Variants in ASCC3 observed in about 807,000 individuals in gnomAD.
The protein encoded by ASCC3 is activating signal cointegrator 1 complex subunit 3, also known as ASC-1 complex subunit P200.
Under a neutral mutation model 256.3 loss-of-function variants are expected in ASCC3, and 158 were observed. That is an observed-to-expected ratio of 0.62 (90% CI 0.54 to 0.70). ASCC3 has a LOEUF of 0.70. Ranked by LOEUF, ASCC3 falls within the 30% of genes least tolerant of loss-of-function variation. The probability of loss-of-function intolerance (pLI) is 0.00; values close to 1 mark genes in which losing one functional copy is unlikely to be tolerated. For synonymous variants in ASCC3, 948 were observed against 883.4 expected (o/e 1.07, Z -1.30); for missense variants, 2,259 against 2,626.0 (o/e 0.86, Z 3.05).
chr6:100,725,400 T>G (rs529460161), intron 11 of ASCC3, 139 bp downstream of exon 11: 2 of 1,036,960 alleles, frequency 1.9e-6, no homozygotes, highest in Non-Finnish European at 2.8e-6. Context: ...AACAGGTACA[T>G]TCCCCCTTTT....
At chr6:100,619,384 T>C (rs1773832123) in intron 30 of ASCC3, among the ~76,000 whole-genome samples, 1 of 152,094 alleles carries the variant, frequency 6.6e-6, no homozygotes, top group Non-Finnish European at 1.5e-5. Context: ...GATGAAGAAA[T>C]TGGGCTATTT....
intron 4 of ASCC3, among the ~76,000 whole-genome samples, chr6:100,830,798 T>A (rs1453894840): frequency 6.6e-6 from 1 of 152,190 alleles, no homozygotes; most frequent in African/African-American, 2.4e-5. Context: ...GTAAAATGCA[T>A]AAGCAACTAA....
intron 13 of ASCC3, among the ~76,000 whole-genome samples, chr6:100,690,903 C>G (rs1777813970): frequency 6.6e-6 from 1 of 152,046 alleles, no homozygotes. Context: ...GTTATTATTA[C>G]TGAATTATAT....
rs746801361 is a variant in ASCC3 at position 100,629,003 on chromosome 6, A to AGT, written c.4375+10_4375+11dup. On this transcript the variant is annotated intron_variant, in intron 27 of 41. Transcript: ENST00000369162. ...AAGTTTGTAAACTGGCTTTAGATAC[A>AGT]GTGGTACCTACCAAGCAGATGGATC... 6.2e-7 allele frequency: 1 copy of AGT among 1,610,986 alleles called. No individual in the cohort carries two copies. The highest frequency in any genetic ancestry group is 8.5e-7 in the Non-Finnish European group (1 of 1,178,680).
intron 36 of ASCC3, among the ~76,000 whole-genome samples, chr6:100,572,704 C>T (rs917752493): frequency 2.0e-5 from 3 of 152,182 alleles, no homozygotes; most frequent in Admixed American, 6.5e-5. Flanking sequence ...AAATAATTTA[C>T]AAAAATTTTT....
intron 4 of ASCC3, among the ~76,000 whole-genome samples, chr6:100,825,463 T>TA (rs1562324592): frequency 6.6e-6 from 1 of 152,166 alleles, no homozygotes; most frequent in Admixed American, 6.5e-5. Flanking sequence ...CGGAGCCTCT[T>TA]AAAAAATCGC....
At chr6:100,591,527 A>T (rs1024504322) in intron 34 of ASCC3, among the ~76,000 whole-genome samples, 1 of 152,058 alleles carries the variant, frequency 6.6e-6, no homozygotes, top group Non-Finnish European at 1.5e-5. Flanking sequence ...GGACTAATAC[A>T]TAGCTGATAA....
In ASCC3 at chr6:100,540,198, T is replaced by C. The variant is rs2114662842; in HGVS notation, c.5740A>G (p.Lys1914Glu). The change falls in exon 37 of 42, where the codon AAA (lysine) becomes GAA (glutamate). Residue 1914 changes from lysine to glutamate, a missense_variant. Physicochemically the swap from Lys to Glu is moderately conservative, Grantham distance 56 (BLOSUM62 1). Transcript: ENST00000369162. Reference sequence around the variant, plus strand: ...CTGAGAGCTTGGTCCAAGACTGTTTTGGTATCAGTGTCATAATCTGGGCAG... The same window carrying C: ...CTGAGAGCTTGGTCCAAGACTGTTTCGGTATCAGTGTCATAATCTGGGCAG... ...LPCPDYDTDTKTVLDQALRVC... is the reference protein window; with the variant it reads ...LPCPDYDTDTETVLDQALRVC... 6.2e-7 allele frequency: 1 copy of C among 1,614,140 alleles called. No homozygotes were observed. The highest frequency in any genetic ancestry group is 2.2e-5 in the East Asian group (1 of 44,884).
intron 14 of ASCC3, among the ~76,000 whole-genome samples, chr6:100,665,356 T>C (rs530883374): frequency 6.6e-6 from 1 of 152,068 alleles, no homozygotes; most frequent in East Asian, 1.9e-4. Flanking sequence ...TCAAAGTAAG[T>C]CTGGGTTTTT....
At chr6:100,604,542 C>T (rs995718834) in intron 33 of ASCC3, among the ~76,000 whole-genome samples, 73 of 151,756 alleles carry the variant, frequency 4.8e-4, no homozygotes, top group Non-Finnish European at 6.6e-4. Flanking sequence ...CCTCAAGCTC[C>T]TGGGCTCAAG....
intron 4 of ASCC3, among the ~76,000 whole-genome samples, chr6:100,842,595 T>C (rs1772197432): frequency 6.6e-6 from 1 of 152,188 alleles, no homozygotes; most frequent in Admixed American, 6.5e-5. Flanking sequence ...TTCATACTTT[T>C]TTTCTGATTT....
At chr6:100,615,409 C>G (rs1039898545) in intron 30 of ASCC3, among the ~76,000 whole-genome samples, 8 of 149,084 alleles carry the variant, frequency 5.4e-5, no homozygotes, top group Non-Finnish European at 1.2e-4. Context: ...ATTAAAATAA[C>G]AGAGACTGTA....
chr6:100,858,927 C>A, intron 3 of ASCC3: 1 of 582,368 alleles, frequency 1.7e-6, no homozygotes, highest in Non-Finnish European at 3.1e-6. Context: ...TGCCTTTAAC[C>A]TCTTTTAATC....
At chr6:100,811,313 AC>A (rs1303886448) in intron 4 of ASCC3, among the ~76,000 whole-genome samples, 2 of 152,192 alleles carry the variant, frequency 1.3e-5, no homozygotes, top group African/African-American at 4.8e-5. Context: ...TAGAAAAAAA[AC>A]ACAACTAAAG....
intron 13 of ASCC3, among the ~76,000 whole-genome samples, chr6:100,707,446 A>C (rs117893036): frequency 0.015 from 2,335 of 152,206 alleles, 24 homozygotes; most frequent in East Asian, 0.045. Context: ...TACCAACAGA[A>C]GCTACCTCTG....
chr6:100,510,195 G>A, intron 40 of ASCC3, 88 bp from the exon 41 acceptor site: 1 of 1,372,772 alleles, frequency 7.3e-7, no homozygotes, highest in Non-Finnish European at 1.0e-6. Context: ...TGTCTTACTT[G>A]AAGGCCATAC....
At chr6:100,593,328 A>G (rs1772101495) in intron 34 of ASCC3, among the ~76,000 whole-genome samples, 1 of 152,142 alleles carries the variant, frequency 6.6e-6, no homozygotes, top group Non-Finnish European at 1.5e-5. Context: ...GGAAAAAGTC[A>G]TAACAAACCT....
chr6:100,732,127 C>A (rs541493647), intron 10 of ASCC3, among the ~76,000 whole-genome samples: 208 of 147,986 alleles, frequency 1.4e-3, no homozygotes, highest in African/African-American at 5.0e-3. Flanking sequence ...TGCCATTGCA[C>A]TCCAGCCTGG....
chr6:100,675,800 G>A (rs966264282), intron 14 of ASCC3, among the ~76,000 whole-genome samples: 5 of 152,056 alleles, frequency 3.3e-5, no homozygotes, highest in African/African-American at 9.6e-5. Context: ...AGAAACATAC[G>A]GTAAAGGGAT....
Sources: allele counts gnomAD v4.1 joint callset (sites outside exome capture counted in the v4.1 genomes callset), GRCh38; gene constraint gnomAD v4.1.1; transcripts MANE v1.5; gene names NCBI Gene and HGNC (gene_info 2026-07-23, HGNC 2026-07-21).